Variants in SYT10 observed in about 807,000 individuals in gnomAD.
SYT10 encodes synaptotagmin-10.
Under a neutral mutation model 51.1 loss-of-function variants are expected in SYT10, and 31 were observed. The ratio of observed to expected loss-of-function variants is 0.61; its 90% confidence interval spans 0.46 to 0.82. The LOEUF is 0.82. SYT10 is among the 40% of genes least tolerant of loss of function. The pLI is 0.00. For synonymous variants in SYT10, 233 were observed against 225.9 expected, an observed-to-expected ratio of 1.03 and a Z score of -0.28; for missense variants, 603 against 634.0, an observed-to-expected ratio of 0.95 and a Z score of 0.53.
intron 2 of SYT10, 48 bp from the exon 3 acceptor site, chr12:33,407,404 A>C (rs145049459): frequency 1.7e-5 from 26 of 1,571,836 alleles, no homozygotes; most frequent in East Asian, 2.2e-5. Flanking sequence ...GATCATTTTG[A>C]TGAGAATGTT....
Position 33,385,256 on chromosome 12 carries a change from A to G in SYT10, c.1113T>C (p.Leu371=). The G allele has an allele frequency of 6.2e-7, 1 of 1,613,716 alleles. No individual in the cohort carries two copies. Among genetic ancestry groups the G allele is most frequent in the Non-Finnish European group, 8.5e-7 (1 of 1,179,758 alleles). The change falls in exon 4 of 7, where the codon CTT becomes CTC. Residue 371 remains leucine (L), a synonymous_variant. Transcript: ENST00000228567. ...SIDLGEIMFS[L]CYLPTAGRMT... ...TACGCCCAGCCGTCGGTAGGTAACA[A>G]AGGGAAAACATGATTTCACCCAGGT... is the stretch of plus-strand genomic sequence containing the variant.
Position 33,384,760 on chromosome 12 carries a change from C to T in SYT10, c.1198+411G>A, listed in dbSNP as rs1157559922. Among the ~76,000 whole-genome samples, 4 of 152,166 alleles carry T rather than the reference C, an allele frequency of 2.6e-5. No homozygotes were observed. The East Asian group carries it at 5.8e-4, about 22-fold the overall frequency. On this transcript the variant is annotated intron_variant, in intron 4 of 6. Transcript: ENST00000228567. ...GCAAATGCAAATGGTAGTCGTGGAACATGGCTATTTCCCTGCAGATCAGGT... is the reference window on the plus strand; with the variant it reads ...GCAAATGCAAATGGTAGTCGTGGAATATGGCTATTTCCCTGCAGATCAGGT...
chr12:33,426,094 ACACAC>A, intron 2 of SYT10, 39 bp downstream of exon 2: 64 of 1,502,150 alleles, frequency 4.3e-5, no homozygotes, highest in Non-Finnish European at 5.4e-5. Context: ...ACACACACAC[ACACAC>A]GCACACACAC....
intron 3 of SYT10, among the ~76,000 whole-genome samples, chr12:33,399,006 A>T (rs1416836265): frequency 6.6e-6 from 1 of 152,212 alleles, no homozygotes; most frequent in East Asian, 1.9e-4. Flanking sequence ...CTAACTACAG[A>T]CACAGAGAAA....
At chr12:33,420,487 A>C (rs1235820260) in intron 2 of SYT10, among the ~76,000 whole-genome samples, 1 of 148,734 alleles carries the variant, frequency 6.7e-6, no homozygotes, top group East Asian at 3.4e-4. Flanking sequence ...TCTCTAGAAA[A>C]AAAAATAAAA....
chr12:33,424,409 T>A (rs560053509), intron 2 of SYT10, among the ~76,000 whole-genome samples: 1 of 152,076 alleles, frequency 6.6e-6, no homozygotes, highest in Non-Finnish European at 1.5e-5. Flanking sequence ...GTTGAATGAT[T>A]CTGAATGCTA....
chr12:33,394,078 C>G (rs1389107122), intron 3 of SYT10, among the ~76,000 whole-genome samples: 2 of 152,170 alleles, frequency 1.3e-5, no homozygotes, highest in Non-Finnish European at 2.9e-5. Context: ...TAGCAGTCTA[C>G]TTGTTATGAT....
chr12:33,385,895 C>T (rs1240016347), intron 3 of SYT10, among the ~76,000 whole-genome samples: 1 of 152,178 alleles, frequency 6.6e-6, no homozygotes, highest in Non-Finnish European at 1.5e-5. Context: ...TTTAAGGGAT[C>T]ACAACTGTAG....
chr12:33,427,510 T>G (rs1367065707), intron 1 of SYT10, among the ~76,000 whole-genome samples: 2 of 152,134 alleles, frequency 1.3e-5, no homozygotes, highest in Non-Finnish European at 2.9e-5. Flanking sequence ...TGTAGCTCCT[T>G]GCATCCAGAG....
At chr12:33,379,488 C>A (rs1490716726) in intron 6 of SYT10, among the ~76,000 whole-genome samples, 6 of 132,330 alleles carry the variant, frequency 4.5e-5, no homozygotes, top group African/African-American at 1.5e-4. Flanking sequence ...ATGCAGTTTC[C>A]AGTTAGTAAT....
rs76345615 is a variant in SYT10, at chr12:33,439,610, C to T, written c.-88G>A. The T allele has an allele frequency of 2.3e-3, 3,391 of 1,465,622 alleles. 60 individuals carry two copies. The African/African-American group carries it at 0.038, about 17-fold the overall frequency. The allele number at this position is 1,465,622 out of a possible 1,614,324, so 90.8% of individuals were successfully genotyped here. On this transcript the variant is annotated 5_prime_UTR_variant, in exon 1 of 7. Coordinates refer to ENST00000228567, the MANE Select transcript of SYT10 (RefSeq NM_198992.4). ...CCTCTAACCCCTCTGGCGCCCTAAG[C>T]CATAGTCCGCCCGCGGTGACTTTGG...
chr12:33,404,210 A>G (rs2138411988), intron 3 of SYT10, among the ~76,000 whole-genome samples: 1 of 152,186 alleles, frequency 6.6e-6, no homozygotes, highest in South Asian at 2.1e-4. Context: ...GGATTTTGAG[A>G]TGGGGAGATT....
rs1403167558 is a variant in SYT10 at position 33,376,528 on chromosome 12, CTG to C, written c.*300_*301del. 5.6e-6 allele frequency: 2 copies of C among 359,670 alleles called. No individual in the cohort carries two copies. Among genetic ancestry groups the C allele is most frequent in the Non-Finnish European group, 1.0e-5 (2 of 194,304 alleles). 22.3% of individuals were successfully genotyped at this position (359,670 alleles called of 1,614,324 possible). On this transcript the variant is annotated 3_prime_UTR_variant, in exon 7 of 7. Transcript: ENST00000228567. ...ATATTTAATTTTAGGTAAGTATGAA[CTG>C]TTTAAAAAAACATTTCATATGCAAA...
intron 2 of SYT10, among the ~76,000 whole-genome samples, chr12:33,422,696 T>A (rs988836748): frequency 1.3e-5 from 2 of 151,906 alleles, no homozygotes; most frequent in African/African-American, 4.8e-5. Flanking sequence ...AGAATGCACA[T>A]CCTCTCCCAA....
chr12:33,391,951 T>C (rs1216813222), intron 3 of SYT10, among the ~76,000 whole-genome samples: 2 of 152,164 alleles, frequency 1.3e-5, no homozygotes, highest in African/African-American at 4.8e-5. Flanking sequence ...GAAGACACTT[T>C]TTACGGGTGT....
intron 2 of SYT10, among the ~76,000 whole-genome samples, chr12:33,414,809 A>C (rs1415830318): frequency 6.6e-6 from 1 of 152,224 alleles, no homozygotes; most frequent in Non-Finnish European, 1.5e-5. Flanking sequence ...CAGAGAAAGA[A>C]AAACTTGCCC....
At chr12:33,417,796 T>C (rs150832966) in intron 2 of SYT10, among the ~76,000 whole-genome samples, 2,288 of 152,188 alleles carry the variant, frequency 0.015, 29 homozygotes, top group Non-Finnish European at 0.023. Flanking sequence ...AACAAGAGAA[T>C]TGAGGGTGTA....
chr12:33,411,501 G>A (rs185395474), intron 2 of SYT10, among the ~76,000 whole-genome samples: 50 of 151,112 alleles, frequency 3.3e-4, no homozygotes, highest in African/African-American at 1.2e-3. Context: ...GACATATTTT[G>A]AAAATAACAA....
At chr12:33,426,099 C>G (rs10844595) in intron 2 of SYT10, 39 bp downstream of exon 2, 1 of 1,513,286 alleles carries the variant, frequency 6.6e-7, no homozygotes, top group Non-Finnish European at 8.9e-7. Context: ...CACACACACA[C>G]GCACACACAC....
Sources: gnomAD v4.1 joint callset for allele counts (sites outside exome capture counted in the v4.1 genomes callset) on GRCh38, gnomAD v4.1.1 for gene constraint, MANE v1.5 for transcripts, NCBI Gene and HGNC (gene_info 2026-07-23, HGNC 2026-07-21) for gene names.